Variants in TENM2 observed in about 807,000 individuals in gnomAD.
TENM2 encodes teneurin transmembrane protein 2, also known as teneurin-2.
A neutral mutation model predicts 245.2 loss-of-function variants in TENM2; 52 were observed. The observed-to-expected ratio is 0.21, with a 90% CI of 0.17 to 0.27. The LOEUF (loss-of-function observed/expected upper bound fraction) is 0.27. Ranked by LOEUF, TENM2 falls within the 10% of genes least tolerant of loss-of-function variation. The probability of loss-of-function intolerance (pLI) is 1.00; values close to 1 mark genes in which losing one functional copy is unlikely to be tolerated. For synonymous variants in TENM2, 1,363 were observed against 1,438.9 expected (o/e 0.95, Z 1.19); for missense variants, 3,046 against 3,666.8 (o/e 0.83, Z 4.37).
chr5:167,169,216 G>A, the TENM2 span, among the ~76,000 whole-genome samples: 1 of 152,100 alleles, frequency 6.6e-6, no homozygotes, highest in East Asian at 1.9e-4. Context: ...ATAGCTAGGG[G>A]CTCTGTTCTC....
intron 2 of TENM2, among the ~76,000 whole-genome samples, chr5:167,842,453 G>T (rs561635210): frequency 6.6e-6 from 1 of 151,712 alleles, no homozygotes; most frequent in Non-Finnish European, 1.5e-5. Context: ...GCTAGGCATG[G>T]TGGCACATGC....
chr5:167,797,154 G>A (rs1412590494), intron 2 of TENM2, among the ~76,000 whole-genome samples: 1 of 152,120 alleles, frequency 6.6e-6, no homozygotes, highest in African/African-American at 2.4e-5. Context: ...TGAGGACTTA[G>A]CAATTGTTGA....
At chr5:168,186,452 C>T (rs937432791) in intron 13 of TENM2, 4 of 152,112 alleles carry the variant, frequency 2.6e-5, no homozygotes, top group Admixed American at 6.5e-5. Flanking sequence ...TGTGATTTAG[C>T]GTCCGTTCTG....
intron 25 of TENM2, among the ~76,000 whole-genome samples, chr5:168,236,951 T>C (rs1295552925): frequency 1.7e-3 from 2 of 1,182 alleles, no homozygotes; most frequent in South Asian, 0.022. Context: ...TATATATATA[T>C]ATATATATAT....
intron 2 of TENM2, among the ~76,000 whole-genome samples, chr5:167,489,947 A>T (rs1177623713): frequency 6.6e-6 from 1 of 152,200 alleles, no homozygotes; most frequent in Non-Finnish European, 1.5e-5. Flanking sequence ...ATTACTGGAT[A>T]TGTACATAAC....
chr5:167,299,160 G>A (rs551791103), intron 1 of TENM2, among the ~76,000 whole-genome samples: 2 of 152,290 alleles, frequency 1.3e-5, no homozygotes, highest in South Asian at 4.1e-4. Flanking sequence ...TACCTTTCCT[G>A]AAGACTGAGG....
intron 2 of TENM2, among the ~76,000 whole-genome samples, chr5:167,610,240 A>G (rs1056136780): frequency 6.6e-6 from 1 of 152,114 alleles, no homozygotes; most frequent in African/African-American, 2.4e-5. Context: ...CCCCAGAAGC[A>G]CCACCCTCCA....
At chr5:167,547,767 G>T (rs947564976) in intron 2 of TENM2, among the ~76,000 whole-genome samples, 10 of 152,226 alleles carry the variant, frequency 6.6e-5, no homozygotes, top group African/African-American at 2.4e-4. Context: ...TATGCAATGA[G>T]CTCGTTTTCT....
At chr5:167,002,252 T>G in the TENM2 span, among the ~76,000 whole-genome samples, 1 of 152,126 alleles carries the variant, frequency 6.6e-6, no homozygotes. Context: ...CTATAAAACT[T>G]GTTATATTGC....
At chr5:167,681,545 A>T (rs1023237460) in intron 2 of TENM2, among the ~76,000 whole-genome samples, 2 of 152,154 alleles carry the variant, frequency 1.3e-5, no homozygotes, top group East Asian at 3.9e-4. Context: ...ATGACAGGAT[A>T]TATGCATATT....
the TENM2 span, among the ~76,000 whole-genome samples, chr5:167,171,069 A>T: frequency 3.3e-5 from 5 of 151,794 alleles, no homozygotes; most frequent in African/African-American, 1.2e-4. Flanking sequence ...TATCCGGGTG[A>T]TTGCATCCTG....
chr5:167,144,915 G>A, the TENM2 span, among the ~76,000 whole-genome samples: 1 of 152,176 alleles, frequency 6.6e-6, no homozygotes, highest in South Asian at 2.1e-4. Flanking sequence ...TCAAAGTGTT[G>A]ACGTGGCTTT....
chr5:167,848,527 G>A (rs17069307), intron 2 of TENM2, among the ~76,000 whole-genome samples: 21,505 of 152,050 alleles, frequency 0.14, 1,603 homozygotes, highest in Middle Eastern at 0.21. Context: ...TGAGGCCAGT[G>A]GGCTGCCACA....
At chr5:167,026,532 C>T in the TENM2 span, among the ~76,000 whole-genome samples, 1 of 152,116 alleles carries the variant, frequency 6.6e-6, no homozygotes, top group Non-Finnish European at 1.5e-5. Flanking sequence ...CTGTCTCTAG[C>T]CAAAGTATGC....
chr5:168,228,984 A>C (rs1164387065), intron 25 of TENM2, among the ~76,000 whole-genome samples: 1 of 147,884 alleles, frequency 6.8e-6, no homozygotes, highest in Non-Finnish European at 1.5e-5. Context: ...ATACGTATAC[A>C]TAATATACAT....
chr5:167,393,862 A>G (rs1761905755), intron 2 of TENM2, among the ~76,000 whole-genome samples: 1 of 152,192 alleles, frequency 6.6e-6, no homozygotes, highest in Non-Finnish European at 1.5e-5. Context: ...CTGATTCTCA[A>G]TGTATTTTGA....
chr5:167,335,054 C>T (rs934499034), intron 1 of TENM2, among the ~76,000 whole-genome samples: 11 of 152,156 alleles, frequency 7.2e-5, no homozygotes, highest in Admixed American at 6.5e-4. Context: ...GAAGAAATAC[C>T]TGAGATAAAG....
At chr5:167,442,615 A>ATTTCCAT (rs1224559755) in intron 2 of TENM2, among the ~76,000 whole-genome samples, 1 of 152,028 alleles carries the variant, frequency 6.6e-6, no homozygotes, top group East Asian at 1.9e-4. Flanking sequence ...AGTATTTCTT[A>ATTTCCAT]TTTCCATTTT....
chr5:167,108,192 CTCGACT>C, the TENM2 span, among the ~76,000 whole-genome samples: 666 of 152,306 alleles, frequency 4.4e-3, 5 homozygotes, highest in Non-Finnish European at 7.2e-3. Flanking sequence ...GTGGTGCAAT[CTCGACT>C]CACTGCAACC....
Sources: allele counts gnomAD v4.1 joint callset (sites outside exome capture counted in the v4.1 genomes callset), GRCh38; gene constraint gnomAD v4.1.1; transcripts MANE v1.5; gene names NCBI Gene and HGNC (gene_info 2026-07-23, HGNC 2026-07-21).